The following TNRC6C variants were observed in gnomAD, a reference collection of about 807,000 sequenced individuals.
TNRC6C encodes the protein trinucleotide repeat containing adaptor 6C, also known as trinucleotide repeat-containing gene 6C protein.
TNRC6C carries 20 observed loss-of-function variants against 153.7 expected under a neutral mutation model. The ratio of observed to expected loss-of-function variants is 0.13; its 90% CI spans 0.09 to 0.19. TNRC6C has a LOEUF of 0.19. Ranked by LOEUF, TNRC6C falls within the 10% of genes least tolerant of loss-of-function variation. TNRC6C has a pLI of 1.00. For missense variants in TNRC6C, 1,987 were observed against 2,172.0 expected (o/e 0.91, Z 1.69); for synonymous variants, 811 against 841.4 (o/e 0.96, Z 0.63).
chr17:78,071,396 G>A (rs777727141), intron 6 of TNRC6C, among the ~76,000 whole-genome samples: 56 of 152,186 alleles, frequency 3.7e-4, no homozygotes, highest in Non-Finnish European at 2.4e-4. Flanking sequence ...AAAAGGGTGT[G>A]AGAGCCTTTT....
intron 1 of TNRC6C, among the ~76,000 whole-genome samples, chr17:78,023,147 C>T (rs564545913): frequency 1.3e-5 from 2 of 152,176 alleles, no homozygotes; most frequent in South Asian, 4.1e-4. Context: ...TAAAAATTAA[C>T]AACATAACGT....
At chr17:77,981,860 C>G (rs2071082930) in intron 1 of TNRC6C, among the ~76,000 whole-genome samples, 2 of 152,140 alleles carry the variant, frequency 1.3e-5, no homozygotes, top group African/African-American at 4.8e-5. Context: ...ACAAAGCTTA[C>G]ATTTATTGTC....
At chr17:77,999,962 C>G (rs550880829), upstream of TNRC6C, among the ~76,000 whole-genome samples, 1 of 152,320 alleles carries the variant, frequency 6.6e-6, no homozygotes, top group East Asian at 1.9e-4. Context: ...TGGTCTCTCT[C>G]ATACTCCACA....
At chr17:78,016,233 T>C (rs546653107) in intron 1 of TNRC6C, among the ~76,000 whole-genome samples, 7 of 152,246 alleles carry the variant, frequency 4.6e-5, no homozygotes, top group African/African-American at 1.7e-4. Flanking sequence ...ACTGTCTCTC[T>C]CAGCCACAAA....
intron 1 of TNRC6C, among the ~76,000 whole-genome samples, chr17:78,022,513 A>C (rs1371361373): frequency 6.6e-6 from 1 of 152,196 alleles, no homozygotes; most frequent in Non-Finnish European, 1.5e-5. Context: ...TAACAGCAGC[A>C]TGGTGGAAAA....
exon 9 of TNRC6C, chr17:78,077,237 G>T: frequency 6.2e-7 from 1 of 1,602,504 alleles, no homozygotes; most frequent in Non-Finnish European, 8.5e-7. Flanking sequence ...CCTTCCCCAA[G>T]CCTGAAGCTC....
At chr17:78,007,024 G>T (rs2071531512) in intron 1 of TNRC6C, among the ~76,000 whole-genome samples, 1 of 137,762 alleles carries the variant, frequency 7.3e-6, no homozygotes, top group Admixed American at 8.1e-5. Flanking sequence ...TGTATTTTTA[G>T]TAGAGACAGG....
chr17:78,031,572 A>C, exon 2 of TNRC6C: 2 of 1,232,348 alleles, frequency 1.6e-6, no homozygotes, highest in Non-Finnish European at 2.0e-6. Context: ...TACCAGTACC[A>C]GTACTTCCAC....
Position 78,019,547 on chromosome 17 carries a change from A to G in TNRC6C, c.-545-11969A>G, listed in dbSNP as rs146736559. On this transcript the variant is annotated intron_variant, in intron 1 of 19. Coordinates refer to ENST00000301624, the Ensembl canonical transcript of TNRC6C. ...TTGCTTTCTTATATAAAGAGTTACCATCTACCTTTTCACCAGCAGATGTCA... is the reference window on the plus strand; with the variant it reads ...TTGCTTTCTTATATAAAGAGTTACCGTCTACCTTTTCACCAGCAGATGTCA... 6.2e-3 allele frequency among the ~76,000 whole-genome samples: 939 copies of G among 152,346 alleles called. 16 individuals carry two copies. The highest frequency in any genetic ancestry group is 0.022 in the African/African-American group (896 of 41,570).
chr17:78,068,726 G>T (rs1282679175), intron 5 of TNRC6C, among the ~76,000 whole-genome samples: 1 of 152,116 alleles, frequency 6.6e-6, no homozygotes, highest in African/African-American at 2.4e-5. Flanking sequence ...CCTGGGAGGC[G>T]GAGGTTGCAG....
At chr17:78,097,227 TA>T (rs1157008170) in intron 16 of TNRC6C, among the ~76,000 whole-genome samples, 1 of 151,858 alleles carries the variant, frequency 6.6e-6, no homozygotes, top group Non-Finnish European at 1.5e-5. Flanking sequence ...CCCCATCTCT[TA>T]AAAAAAAATT....
chr17:77,958,646 G>C (rs1412371793), upstream of TNRC6C, among the ~76,000 whole-genome samples: 1 of 152,048 alleles, frequency 6.6e-6, no homozygotes, highest in African/African-American at 2.4e-5. Context: ...AACGCGGGGC[G>C]GGGAAGGGGG....
At chr17:78,050,595 C>A (rs72894058) in exon 3 of TNRC6C, 33,586 of 1,588,842 alleles carry the variant, frequency 0.021, 455 homozygotes, top group Non-Finnish European at 0.026. Context: ...GGTGGGTCAA[C>A]GCGCCACCTG....
intron 12 of TNRC6C, 79 bp from the exon 15 acceptor site, chr17:78,086,774 G>A: frequency 1.3e-6 from 2 of 1,582,076 alleles, no homozygotes; most frequent in East Asian, 2.2e-5. Context: ...TAAAGACAAT[G>A]AAGAATGCAT....
intron 1 of TNRC6C, among the ~76,000 whole-genome samples, chr17:78,029,291 T>C (rs2072011095): frequency 6.6e-6 from 1 of 152,204 alleles, no homozygotes; most frequent in African/African-American, 2.4e-5. Context: ...GTTTTGTCAT[T>C]GTGCAAACCC....
intron 12 of TNRC6C, 53 bp from the exon 15 acceptor site, chr17:78,086,800 G>C: frequency 6.3e-7 from 1 of 1,597,076 alleles, no homozygotes; most frequent in Non-Finnish European, 8.5e-7. Context: ...CCCTAGACAA[G>C]CCATGAGTGT....
intron 1 of TNRC6C, among the ~76,000 whole-genome samples, chr17:77,976,846 T>C (rs2071004866): frequency 6.8e-6 from 1 of 147,048 alleles, no homozygotes; most frequent in Admixed American, 7.0e-5. Flanking sequence ...GGAGAATTGC[T>C]TGAATCCAGG....
intron 7 of TNRC6C, among the ~76,000 whole-genome samples, chr17:78,074,678 A>AT (rs2073054429): frequency 6.6e-6 from 1 of 151,910 alleles, no homozygotes; most frequent in Admixed American, 6.5e-5. Context: ...ATGGAGAGGC[A>AT]TGGCCATGAA....
At position 78,020,255 on chromosome 17, in the gene TNRC6C, T is replaced by C. The variant is rs1319011339; in HGVS notation, c.-545-11261T>C. 6.6e-5 allele frequency among the ~76,000 whole-genome samples: 10 copies of C among 152,344 alleles called. No homozygotes were observed. The East Asian group carries it at 1.3e-3, about 21-fold the overall frequency. Reference sequence around the variant, plus strand: ...GCATTAGCATTGCAAGCTGGAAATATCACTGTGAGAACAAGTACGTGGGTA... The same window carrying C: ...GCATTAGCATTGCAAGCTGGAAATACCACTGTGAGAACAAGTACGTGGGTA... On this transcript the variant is annotated intron_variant, in intron 1 of 19. Coordinates refer to ENST00000301624, the Ensembl canonical transcript of TNRC6C.
Sources: allele counts gnomAD v4.1 joint callset (sites outside exome capture counted in the v4.1 genomes callset), GRCh38; gene constraint gnomAD v4.1.1; transcripts MANE v1.5; gene names NCBI Gene and HGNC (gene_info 2026-07-23, HGNC 2026-07-21).